NKAIN3: variants seen among roughly 807,000 people sequenced by gnomAD.
NKAIN3 encodes the protein sodium/potassium-transporting ATPase subunit beta-1-interacting protein 3.
NKAIN3 carries 25 observed loss-of-function variants against 30.2 expected under a neutral mutation model. The ratio of observed to expected loss-of-function variants is 0.83; its 90% confidence interval spans 0.60 to 1.16. The LOEUF (loss-of-function observed/expected upper bound fraction) is 1.16. Ranked by LOEUF, NKAIN3 falls within the 50% of genes most tolerant of loss-of-function variation. The probability of loss-of-function intolerance (pLI) is 0.00; values close to 1 mark genes in which losing one functional copy is unlikely to be tolerated. For missense variants in NKAIN3, 225 were observed against 254.1 expected (o/e 0.89, Z 0.78); for synonymous variants, 91 against 89.6 (o/e 1.02, Z -0.09).
intron 1 of NKAIN3, among the ~76,000 whole-genome samples, chr8:62,428,178 C>A (rs1585797656): frequency 6.6e-6 from 1 of 151,872 alleles, no homozygotes; most frequent in African/African-American, 2.4e-5. Flanking sequence ...GGATTTCAAT[C>A]TTTTTTACAG....
rs534772882 is a variant in NKAIN3, at chr8:62,892,471, C to G, written c.472-25982C>G. ...CTAATGAAGTATGAATTAGTTATATCCTTATATTTTCCAGGCTGTGATTAT... is the reference window on the plus strand; with the variant it reads ...CTAATGAAGTATGAATTAGTTATATGCTTATATTTTCCAGGCTGTGATTAT... On this transcript the variant is annotated intron_variant, in intron 4 of 6. Coordinates refer to ENST00000623646, the MANE Select transcript of NKAIN3 (RefSeq NM_001304533.3). 2.0e-5 allele frequency among the ~76,000 whole-genome samples: 3 copies of G among 152,220 alleles called. No individual in the cohort carries two copies. In the South Asian group the frequency reaches 6.2e-4, roughly 32 times the overall value.
At chr8:62,302,096 C>G (rs980785026) in intron 1 of NKAIN3, among the ~76,000 whole-genome samples, 4 of 152,042 alleles carry the variant, frequency 2.6e-5, no homozygotes, top group Admixed American at 2.0e-4. Flanking sequence ...ACATGTTCAT[C>G]TAGAACTGCC....
intron 1 of NKAIN3, among the ~76,000 whole-genome samples, chr8:62,278,789 T>A (rs539973448): frequency 6.6e-6 from 1 of 152,308 alleles, no homozygotes; most frequent in African/African-American, 2.4e-5. Flanking sequence ...TGATGGACAT[T>A]TAGGTTGGTT....
chr8:62,491,029 A>G (rs1352836566), intron 1 of NKAIN3, among the ~76,000 whole-genome samples: 1 of 152,176 alleles, frequency 6.6e-6, no homozygotes, highest in Admixed American at 6.5e-5. Flanking sequence ...GTAAGAACCA[A>G]TACTGATTGA....
chr8:62,780,882 C>A (rs577577164), intron 4 of NKAIN3, among the ~76,000 whole-genome samples: 2 of 152,122 alleles, frequency 1.3e-5, no homozygotes, highest in African/African-American at 4.8e-5. Flanking sequence ...TGTAACAAGA[C>A]AAAGATGCCC....
Position 62,506,476 on chromosome 8 carries a change from C to CTTT in NKAIN3, c.55-73049_55-73047dup, listed in dbSNP as rs71255341. On this transcript the variant is annotated intron_variant, in intron 1 of 6. Transcript: ENST00000623646. ...TCTGCTTTTTCTTTTTTCTTTCTTT[C>CTTT]TTTTTTTTTTTTTTTTGAGACAGAG... Among the ~76,000 whole-genome samples, 295 of 98,344 alleles carry CTTT rather than the reference C, an allele frequency of 3.0e-3. 3 individuals carry two copies. The highest frequency in any genetic ancestry group is 8.3e-3 in the African/African-American group (201 of 24,214). The allele number at this position is 98,344 out of a possible 152,430, so 64.5% of individuals were successfully genotyped here. A position where few individuals can be genotyped will look rare whatever the true frequency, so the allele number is the denominator to read the frequency against.
intron 2 of NKAIN3, 137 bp from the exon 3 acceptor site, chr8:62,589,577 G>A (rs938499550): frequency 2.1e-6 from 1 of 485,220 alleles, no homozygotes; most frequent in Admixed American, 3.6e-5. Flanking sequence ...CACATAGAGA[G>A]CACTCTTTTC....
chr8:62,967,528 G>A lies in NKAIN3; in HGVS notation c.*2121G>A, dbSNP rs1823740045. Among the ~76,000 whole-genome samples, 1 of 151,906 alleles carries A rather than the reference G, an allele frequency of 6.6e-6. No individual in the cohort carries two copies. The highest frequency in any genetic ancestry group is 1.5e-5 in the Non-Finnish European group (1 of 67,996). On this transcript the variant is annotated 3_prime_UTR_variant, in exon 7 of 7. Coordinates refer to ENST00000623646, the MANE Select transcript of NKAIN3 (RefSeq NM_001304533.3). ...TTGCTTTCCACTCAAGCGCTATGAAGAGCCCACAGAAACAACAAACTCTGT... is the reference window on the plus strand; with the variant it reads ...TTGCTTTCCACTCAAGCGCTATGAAAAGCCCACAGAAACAACAAACTCTGT...
chr8:62,749,628 A>T (rs1432038290), intron 4 of NKAIN3, among the ~76,000 whole-genome samples: 1 of 146,338 alleles, frequency 6.8e-6, no homozygotes, highest in Non-Finnish European at 1.5e-5. Context: ...TGTGTTTGTC[A>T]CTTATTTTAT....
At chr8:62,389,618 G>A (rs1278378150) in intron 1 of NKAIN3, among the ~76,000 whole-genome samples, 5 of 152,180 alleles carry the variant, frequency 3.3e-5, no homozygotes, top group African/African-American at 1.2e-4. Flanking sequence ...TGCAGAAAGG[G>A]AAAACTGAGT....
At chr8:62,415,610 TCAGTTTTG>T (rs1687982192) in intron 1 of NKAIN3, among the ~76,000 whole-genome samples, 1 of 151,396 alleles carries the variant, frequency 6.6e-6, no homozygotes, top group South Asian at 2.1e-4. Context: ...GATTTAAGGT[TCAGTTTTG>T]CATTAAAGCA....
At chr8:62,564,765 G>A (rs1809696946) in intron 1 of NKAIN3, among the ~76,000 whole-genome samples, 1 of 152,152 alleles carries the variant, frequency 6.6e-6, no homozygotes, top group Non-Finnish European at 1.5e-5. Context: ...GGTAGAAGAT[G>A]TAAAATGTAT....
At chr8:62,933,669 T>C (rs1048657063) in intron 5 of NKAIN3, among the ~76,000 whole-genome samples, 27 of 152,200 alleles carry the variant, frequency 1.8e-4, no homozygotes, top group African/African-American at 6.0e-4. Flanking sequence ...GGGAAAAAAT[T>C]GTCAGCACTG....
chr8:62,252,107 G>T (rs1812123564), intron 1 of NKAIN3, among the ~76,000 whole-genome samples: 1 of 151,962 alleles, frequency 6.6e-6, no homozygotes, highest in Non-Finnish European at 1.5e-5. Flanking sequence ...CTGTTTCCTA[G>T]ATCTGGTGCA....
At chr8:62,785,345 C>T (rs1237990459) in intron 4 of NKAIN3, among the ~76,000 whole-genome samples, 1 of 151,946 alleles carries the variant, frequency 6.6e-6, no homozygotes, top group Non-Finnish European at 1.5e-5. Context: ...TATATGATAC[C>T]ATTTATATGT....
intron 1 of NKAIN3, among the ~76,000 whole-genome samples, chr8:62,268,188 G>A (rs1007136606): frequency 2.6e-5 from 4 of 152,268 alleles, no homozygotes; most frequent in Admixed American, 6.5e-5. Context: ...ACAATATGCC[G>A]TCAGCAGTTA....
chr8:62,316,776 T>A (rs1335817093), intron 1 of NKAIN3, among the ~76,000 whole-genome samples: 1 of 152,186 alleles, frequency 6.6e-6, no homozygotes, highest in Non-Finnish European at 1.5e-5. Flanking sequence ...TGATTTATAA[T>A]CCTTTGGGTA....
chr8:62,701,576 A>G (rs1184131182), intron 3 of NKAIN3, among the ~76,000 whole-genome samples: 2 of 152,074 alleles, frequency 1.3e-5, no homozygotes, highest in Non-Finnish European at 1.5e-5. Context: ...GTAAAATCCT[A>G]TTTTCAGTAT....
chr8:62,584,761 C>T (rs558452833), intron 2 of NKAIN3, among the ~76,000 whole-genome samples: 2 of 152,210 alleles, frequency 1.3e-5, no homozygotes, highest in Non-Finnish European at 2.9e-5. Flanking sequence ...TGCCTGACCA[C>T]TGAATGCAAG....
Sources: allele counts gnomAD v4.1 joint callset (sites outside exome capture counted in the v4.1 genomes callset), GRCh38; gene constraint gnomAD v4.1.1; transcripts MANE v1.5; gene names NCBI Gene and HGNC (gene_info 2026-07-23, HGNC 2026-07-21).